The following STK40 variants were observed in gnomAD, a reference collection of about 807,000 sequenced individuals.
STK40 encodes the protein serine/threonine kinase 40.
STK40 carries 13 observed loss-of-function variants against 47.9 expected under a neutral mutation model. The observed-to-expected ratio is 0.27, with a 90% CI of 0.18 to 0.43. The LOEUF (loss-of-function observed/expected upper bound fraction) is 0.43. Ranked by LOEUF, STK40 falls within the 20% of genes least tolerant of loss-of-function variation. STK40 has a pLI of 1.00. For missense variants in STK40, 460 were observed against 595.1 expected (o/e 0.77, Z 2.36); for synonymous variants, 225 against 243.2 (o/e 0.93, Z 0.69).
chr1:36,361,087 T>TGGGGC, intron 2 of STK40, 134 bp downstream of exon 2: 4 of 988,904 alleles, frequency 4.0e-6, no homozygotes, highest in African/African-American at 1.6e-5. Context: ...GGACCAAGCC[T>TGGGGC]GGGGCAGGGC....
chr1:36,378,014 C>T (rs765003148), intron 1 of STK40, among the ~76,000 whole-genome samples: 3 of 152,252 alleles, frequency 2.0e-5, no homozygotes, highest in Admixed American at 1.3e-4. Context: ...CAGGAAGTGA[C>T]TTGTTCAAGG....
Position 36,385,572 on chromosome 1 carries a change from C to T in STK40, c.-9+151G>A, listed in dbSNP as rs564658778. On this transcript the variant is annotated intron_variant, in intron 1 of 10. Coordinates refer to ENST00000373132, the MANE Select transcript of STK40 (RefSeq NM_001282547.2). ...CTGCCGCCGGGGAAGGGCAGAGCCC[C>T]AGCGGAGGAGGGGGCATTCGCCGGG... Among the ~76,000 whole-genome samples the T allele has an allele frequency of 4.6e-5, 7 of 152,306 alleles. No homozygotes were observed. In the South Asian group the frequency reaches 1.4e-3, roughly 32 times the overall value.
intron 1 of STK40, among the ~76,000 whole-genome samples, chr1:36,371,163 GC>G (rs1393826524): frequency 6.6e-6 from 1 of 151,624 alleles, no homozygotes; most frequent in African/African-American, 2.4e-5. Flanking sequence ...ACAGGCGTGA[GC>G]CACCACACCC....
Position 36,355,238 on chromosome 1 carries a change from C to T in STK40, c.538G>A (p.Asp180Asn), listed in dbSNP as rs1570444525. 2 of 1,614,080 alleles carry T rather than the reference C, an allele frequency of 1.2e-6. No individual in the cohort carries two copies. Among genetic ancestry groups the T allele is most frequent in the South Asian group, 1.1e-5 (1 of 91,078 alleles). ...AGGGCCTCCACCACGCGGACCACGT[C>T]GTAGAAGATTACCACAGTCTCCCTC... ...SERETVVIFY[D>N]VVRVVEALHQ... The change falls in exon 5 of 11, where the codon GAC becomes AAC. Residue 180 changes from aspartate (D) to asparagine (N), a missense_variant. Asp to Asn is a conservative substitution (Grantham distance 23, BLOSUM62 1). Coordinates refer to ENST00000373132, the MANE Select transcript of STK40 (RefSeq NM_001282547.2).
chr1:36,341,763 G>A lies in STK40; in HGVS notation c.1300C>T (p.Arg434Trp), dbSNP rs750541903. 1.4e-5 allele frequency: 23 copies of A among 1,610,514 alleles called. No individual in the cohort carries two copies. Among genetic ancestry groups the A allele is most frequent in the South Asian group, 3.3e-5 (3 of 90,932 alleles). Reference sequence around the variant, plus strand: ...GGCCCCGGCTGAGGCTGTTATTTCCGCAGGTAGCGCTGCGCCAGGATGGCC... The same window carrying A: ...GGCCCCGGCTGAGGCTGTTATTTCCACAGGTAGCGCTGCGCCAGGATGGCC... ...DTAILAQRYL[R>W]K Residue 434 changes from arginine (R) to tryptophan (W), a missense_variant, in exon 11 of 11, where the codon CGG becomes TGG. By Grantham distance (101) the Arg-to-Trp change is moderately radical. Transcript: ENST00000373132.
At chr1:36,348,937 G>C in intron 6 of STK40, 122 bp from the exon 7 acceptor site, 3 of 831,602 alleles carry the variant, frequency 3.6e-6, no homozygotes, top group Non-Finnish European at 5.9e-6. Context: ...TAGGCTTCTC[G>C]TCAGAGGGTG....
At chr1:36,346,208 A>T (rs1357564464) in intron 7 of STK40, among the ~76,000 whole-genome samples, 1 of 151,220 alleles carries the variant, frequency 6.6e-6, no homozygotes, top group Non-Finnish European at 1.5e-5. Flanking sequence ...GTTAACGAGG[A>T]TGGTCTCGAT....
At chr1:36,375,614 T>C (rs1646985613) in intron 1 of STK40, among the ~76,000 whole-genome samples, 1 of 152,220 alleles carries the variant, frequency 6.6e-6, no homozygotes, top group African/African-American at 2.4e-5. Flanking sequence ...CGCTTCTCTT[T>C]ATACTGTTTT....
At chr1:36,381,297 G>A (rs936161918) in intron 1 of STK40, among the ~76,000 whole-genome samples, 27 of 152,212 alleles carry the variant, frequency 1.8e-4, no homozygotes, top group South Asian at 4.2e-4. Flanking sequence ...AAGCATCTGC[G>A]CCCTAGTGCC....
chr1:36,355,079 C>T (rs1200753679), intron 5 of STK40, 127 bp downstream of exon 5: 1 of 974,628 alleles, frequency 1.0e-6, no homozygotes, highest in African/African-American at 1.6e-5. Context: ...TTCAGTCACT[C>T]TTCTTTTGGA....
At chr1:36,377,804 C>T (rs1011021168) in intron 1 of STK40, among the ~76,000 whole-genome samples, 1 of 152,164 alleles carries the variant, frequency 6.6e-6, no homozygotes. Context: ...AAAACTGGCT[C>T]AGGATGCCTC....
intron 6 of STK40, among the ~76,000 whole-genome samples, chr1:36,351,228 C>T (rs1286159250): frequency 2.0e-5 from 3 of 152,224 alleles, no homozygotes; most frequent in East Asian, 1.9e-4. Context: ...TTTCGAATTT[C>T]GATCCTTTTA....
At position 36,343,374 on chromosome 1, in the gene STK40, C is replaced by G. The variant is rs751140017; in HGVS notation, c.1079G>C (p.Ser360Thr). Residue 360 changes from serine (S) to threonine (T), a missense_variant, in exon 10 of 11, where the codon AGC (serine) becomes ACC (threonine). By Grantham distance (58) the Ser-to-Thr change is moderately conservative. Around this residue, in one of 3 missense-constraint regions of STK40, gnomAD observed 181 missense variants for 218.9 expected, o/e 0.83. Coordinates refer to ENST00000373132, the MANE Select transcript of STK40 (RefSeq NM_001282547.2). ...CCCTCCCCAACTCACCTCCTGGGAG[C>G]TATCCGCATTGCTCATTTGGTCATC... The part of the protein sequence containing the change: ...DIDDQMSNAD[S>T]SQEAKVTEEC... The G allele has an allele frequency of 6.2e-7, 1 of 1,612,944 alleles. No individual in the cohort carries two copies. Among genetic ancestry groups the G allele is most frequent in the Middle Eastern group, 1.6e-4 (1 of 6,062 alleles).
intron 2 of STK40, 57 bp downstream of exon 2, chr1:36,361,164 A>G (rs1366876565): frequency 2.5e-6 from 4 of 1,599,488 alleles, no homozygotes; most frequent in African/African-American, 1.3e-5. Context: ...ATGCGAGCCA[A>G]TGTGCCCTGC....
chr1:36,368,327 T>G (rs2124745097), intron 1 of STK40, among the ~76,000 whole-genome samples: 1 of 152,180 alleles, frequency 6.6e-6, no homozygotes, highest in African/African-American at 2.4e-5. Flanking sequence ...CAGACTGGAG[T>G]GCAGCTTCCA....
In STK40 at chr1:36,344,130, T is replaced by C. The variant is rs1646679207; in HGVS notation, c.874A>G (p.Thr292Ala). The change falls in exon 8 of 11, where the codon ACC becomes GCC. Residue 292 changes from threonine (T) to alanine (A), a missense_variant. Physicochemically the swap from Thr to Ala is moderately conservative, Grantham distance 58 (BLOSUM62 0). This residue lies in a region of STK40 where 181 missense variants were observed against 218.9 expected (regional missense o/e 0.83). Transcript: ENST00000373132. ...GGAGGCAGGACTCACTCAGGAATGG[T>C]ATACTCGGCAGCCTTGATCTTGCGG... Reference protein sequence around the residue: ...LFRKIKAAEYTIPEDGRVSEN... With the variant: ...LFRKIKAAEYAIPEDGRVSEN... The C allele has an allele frequency of 1.3e-6, 2 of 1,558,128 alleles. No homozygotes were observed. Among genetic ancestry groups the C allele is most frequent in the East Asian group, 4.8e-5 (2 of 41,414 alleles).
At chr1:36,374,659 C>G (rs1008989664) in intron 1 of STK40, among the ~76,000 whole-genome samples, 1 of 152,226 alleles carries the variant, frequency 6.6e-6, no homozygotes, top group East Asian at 1.9e-4. Flanking sequence ...CTGGGCCGTA[C>G]TGGCTTGGCC....
chr1:36,356,418 CTTTTTTTTTTTT>C (rs1002682531), intron 4 of STK40, among the ~76,000 whole-genome samples: 1 of 116,810 alleles, frequency 8.6e-6, no homozygotes, highest in Non-Finnish European at 1.8e-5. Flanking sequence ...TCTTCTTTTT[CTTTTTTTTTTTT>C]TTTTTTTTTT....
At chr1:36,380,574 C>G (rs762618167) in intron 1 of STK40, among the ~76,000 whole-genome samples, 22 of 152,176 alleles carry the variant, frequency 1.4e-4, no homozygotes, top group Non-Finnish European at 2.4e-4. Flanking sequence ...CTCCAGGGGG[C>G]ACTGAGAAAG....
Sources: gnomAD v4.1 joint callset for allele counts (sites outside exome capture counted in the v4.1 genomes callset) on GRCh38, gnomAD v4.1.1 for gene constraint, gnomAD v4.1.1 regional missense constraint, MANE v1.5 for transcripts, NCBI Gene and HGNC (gene_info 2026-07-23, HGNC 2026-07-21) for gene names.